Variants in PRKG1 observed in about 807,000 individuals in gnomAD.
PRKG1 encodes cGMP-dependent protein kinase 1.
PRKG1 carries 35 observed loss-of-function variants against 88.1 expected under a neutral mutation model. The ratio of observed to expected loss-of-function variants is 0.40; its 90% CI spans 0.30 to 0.53. The LOEUF (loss-of-function observed/expected upper bound fraction) is 0.53, where lower values mean the gene tolerates loss of function less well. Among genes scored for constraint, PRKG1 ranks in the 20% least tolerant of loss-of-function variants. The pLI, the probability that PRKG1 is intolerant of heterozygous loss-of-function variation, is 0.59. For synonymous variants in PRKG1, 303 were observed against 292.5 expected (o/e 1.04, Z -0.37); for missense variants, 540 against 839.8 (o/e 0.64, Z 4.41).
At chr10:51,353,070 G>A (rs2132569480) in intron 2 of PRKG1, among the ~76,000 whole-genome samples, 1 of 152,250 alleles carries the variant, frequency 6.6e-6, no homozygotes, top group African/African-American at 2.4e-5. Flanking sequence ...AATAAATGGT[G>A]CGGGGAAAAC....
intron 1 of PRKG1, among the ~76,000 whole-genome samples, chr10:51,129,372 G>C (rs1053922821): frequency 1.3e-5 from 2 of 152,054 alleles, no homozygotes; most frequent in African/African-American, 4.8e-5. Context: ...TTGAACCCGA[G>C]AGGCGGGGGT....
intron 2 of PRKG1, among the ~76,000 whole-genome samples, chr10:51,260,381 G>A (rs1164461702): frequency 6.6e-6 from 1 of 151,624 alleles, no homozygotes; most frequent in Non-Finnish European, 1.5e-5. Flanking sequence ...CGATTTTTTA[G>A]CATGCATGTT....
chr10:52,237,069 CAT>C (rs1378119523), intron 9 of PRKG1, among the ~76,000 whole-genome samples: 1 of 52,534 alleles, frequency 1.9e-5, no homozygotes, highest in African/African-American at 4.4e-5. Context: ...ACAAAAACCA[CAT>C]GATTATCTCA....
rs145691972 is a variant in PRKG1 at position 51,252,446 on chromosome 10, T to G, written c.478+99116T>G. Among the ~76,000 whole-genome samples, 9 of 151,958 alleles carry G rather than the reference T, an allele frequency of 5.9e-5. No individual in the cohort carries two copies. In the East Asian group the frequency reaches 1.4e-3, roughly 23 times the overall value. On this transcript the variant is annotated intron_variant, in intron 2 of 17. Coordinates refer to ENST00000373980, the MANE Select transcript of PRKG1 (RefSeq NM_006258.4). ...ATTACTAGAAAATTATTTTATAAAC[T>G]TTATCAAATTCTTCAGAAAACAGAT...
intron 2 of PRKG1, among the ~76,000 whole-genome samples, chr10:51,365,926 T>A (rs1396984638): frequency 4.0e-5 from 6 of 151,652 alleles, no homozygotes; most frequent in Non-Finnish European, 8.8e-5. Flanking sequence ...AAAAAAAAAA[T>A]TGCTGTGTAA....
intron 2 of PRKG1, among the ~76,000 whole-genome samples, chr10:51,189,777 A>G (rs948118568): frequency 9.2e-5 from 14 of 152,138 alleles, no homozygotes; most frequent in Admixed American, 8.5e-4. Flanking sequence ...GACTAATTAT[A>G]TAAACAATAA....
intron 7 of PRKG1, among the ~76,000 whole-genome samples, chr10:52,087,187 CCTTGCAAATAGGGTAT>C (rs1268571130): frequency 1.1e-4 from 16 of 152,144 alleles, no homozygotes; most frequent in African/African-American, 3.4e-4. Context: ...TTCCGTAAAG[CCTTGCAAATAGGGTAT>C]CTTGTAAACT....
At chr10:52,211,281 G>T (rs541254304) in intron 9 of PRKG1, among the ~76,000 whole-genome samples, 1 of 152,248 alleles carries the variant, frequency 6.6e-6, no homozygotes, top group African/African-American at 2.4e-5. Flanking sequence ...TGATACAAGG[G>T]AGAGATTATA....
intron 1 of PRKG1, among the ~76,000 whole-genome samples, chr10:50,996,496 AC>A (rs761766671): frequency 1.4e-4 from 22 of 152,340 alleles, no homozygotes; most frequent in Non-Finnish European, 1.2e-4. Context: ...TGAAAAAGTG[AC>A]CAGTGAATCT....
chr10:52,296,829 G>T lies in PRKG1; in HGVS notation c.*2929G>T, dbSNP rs1842393834. The T allele has an allele frequency of 6.6e-6, 1 of 152,006 alleles. No homozygotes were observed. The highest frequency in any genetic ancestry group is 2.4e-5 in the African/African-American group (1 of 41,408). The allele number at this position is 152,006 out of a possible 1,614,324, so 9.4% of individuals were successfully genotyped here. On this transcript the variant is annotated 3_prime_UTR_variant, in exon 18 of 18. Transcript: ENST00000373980. ...ATGTTTATATCTTCTTTCTTATTAA[G>T]ACATGAATCAGATCCATGTGGCATT... is the stretch of plus-strand genomic sequence containing the variant.
chr10:51,485,899 T>C (rs535817940), intron 3 of PRKG1, among the ~76,000 whole-genome samples: 12 of 152,250 alleles, frequency 7.9e-5, no homozygotes, highest in South Asian at 6.2e-4. Context: ...TTCACACCTG[T>C]TGATGCATGG....
chr10:52,161,441 ATTTG>A (rs916109210), intron 8 of PRKG1, among the ~76,000 whole-genome samples: 11 of 152,034 alleles, frequency 7.2e-5, no homozygotes, highest in African/African-American at 2.2e-4. Context: ...GTTTTTCAGA[ATTTG>A]TTTGAGAATT....
intron 4 of PRKG1, among the ~76,000 whole-genome samples, chr10:51,854,712 C>T (rs1840636810): frequency 6.6e-6 from 1 of 152,106 alleles, no homozygotes. Flanking sequence ...GGAGGATGTA[C>T]ACCAAACTAA....
chr10:51,228,661 T>C (rs189311452), intron 2 of PRKG1, among the ~76,000 whole-genome samples: 1 of 152,316 alleles, frequency 6.6e-6, no homozygotes, highest in Non-Finnish European at 1.5e-5. Context: ...ATGTGGAGTT[T>C]CTTCTTAGAA....
chr10:52,070,887 G>T (rs1016481954), intron 7 of PRKG1, among the ~76,000 whole-genome samples: 2 of 152,086 alleles, frequency 1.3e-5, no homozygotes, highest in African/African-American at 4.8e-5. Context: ...GAGACTTCTT[G>T]GGTTCAAACC....
At chr10:51,906,505 G>C (rs759413370) in intron 4 of PRKG1, among the ~76,000 whole-genome samples, 1 of 152,142 alleles carries the variant, frequency 6.6e-6, no homozygotes, top group African/African-American at 2.4e-5. Flanking sequence ...GAAACTCAAA[G>C]TGGGAGCTTC....
At chr10:51,877,510 A>G (rs1841328610) in intron 4 of PRKG1, among the ~76,000 whole-genome samples, 2 of 152,186 alleles carry the variant, frequency 1.3e-5, no homozygotes, top group Admixed American at 6.5e-5. Flanking sequence ...TACATATTTT[A>G]TATTTTAAAG....
intron 1 of PRKG1, among the ~76,000 whole-genome samples, chr10:51,089,267 G>A (rs1282087347): frequency 2.0e-5 from 3 of 152,152 alleles, no homozygotes; most frequent in African/African-American, 4.8e-5. Context: ...AAGATAGACT[G>A]ATTGCTAATA....
At chr10:52,285,888 A>G (rs1325017366) in intron 14 of PRKG1, among the ~76,000 whole-genome samples, 2 of 152,070 alleles carry the variant, frequency 1.3e-5, no homozygotes, top group Non-Finnish European at 2.9e-5. Context: ...ACAGGCTTGG[A>G]AAATATAATG....
Sources: gnomAD v4.1 joint callset for allele counts (sites outside exome capture counted in the v4.1 genomes callset) on GRCh38, gnomAD v4.1.1 for gene constraint, MANE v1.5 for transcripts, NCBI Gene and HGNC (gene_info 2026-07-23, HGNC 2026-07-21) for gene names.